The following PCCA variants were observed in gnomAD, a reference collection of about 807,000 sequenced individuals.
The protein encoded by PCCA is propionyl-CoA carboxylase alpha chain, mitochondrial.
PCCA carries 74 observed loss-of-function variants against 101.3 expected under a neutral mutation model. The ratio of observed to expected loss-of-function variants is 0.73; its 90% CI spans 0.61 to 0.89. The LOEUF (loss-of-function observed/expected upper bound fraction) is 0.89, where lower values mean the gene tolerates loss of function less well. PCCA is among the 40% of genes least tolerant of loss of function. The probability of loss-of-function intolerance (pLI) is 0.00; values close to 1 mark genes in which losing one functional copy is unlikely to be tolerated. For missense variants in PCCA, 891 were observed against 907.0 expected (o/e 0.98, Z 0.23); for synonymous variants, 294 against 313.6 (o/e 0.94, Z 0.66).
At chr13:100,309,798 T>G in intron 15 of PCCA, 35 bp from the exon 16 acceptor site, 1 of 1,284,292 alleles carries the variant, frequency 7.8e-7, no homozygotes, top group Non-Finnish European at 1.1e-6. Flanking sequence ...TCTAAATATA[T>G]ATATATATTG....
chr13:100,140,618 C>G (rs2051754826), intron 4 of PCCA, among the ~76,000 whole-genome samples: 1 of 152,140 alleles, frequency 6.6e-6, no homozygotes, highest in African/African-American at 2.4e-5. Context: ...AAACTCACCA[C>G]TTGTTTATAG....
intron 17 of PCCA, among the ~76,000 whole-genome samples, chr13:100,335,333 C>T (rs1445575077): frequency 6.6e-6 from 1 of 152,064 alleles, no homozygotes; most frequent in South Asian, 2.1e-4. Flanking sequence ...GACACAAGCC[C>T]ACTAGGAAGA....
chr13:100,198,636 T>G (rs2058278073), intron 6 of PCCA, among the ~76,000 whole-genome samples: 1 of 152,140 alleles, frequency 6.6e-6, no homozygotes, highest in African/African-American at 2.4e-5. Context: ...GTAGCTGGGA[T>G]AACAGGTGCA....
intron 21 of PCCA, among the ~76,000 whole-genome samples, chr13:100,499,703 T>G (rs2085531689): frequency 1.3e-5 from 2 of 152,248 alleles, no homozygotes; most frequent in African/African-American, 4.8e-5. Flanking sequence ...CCATTATGTC[T>G]AGTGACAAAA....
At chr13:100,297,777 G>A (rs2065669808) in intron 12 of PCCA, among the ~76,000 whole-genome samples, 1 of 152,148 alleles carries the variant, frequency 6.6e-6, no homozygotes, top group Admixed American at 6.5e-5. Context: ...GCACGATTAT[G>A]TCCTATAATA....
chr13:100,127,174 C>A (rs983296368), intron 4 of PCCA, among the ~76,000 whole-genome samples: 3 of 152,158 alleles, frequency 2.0e-5, no homozygotes, highest in Non-Finnish European at 4.4e-5. Flanking sequence ...ATATCAGTAT[C>A]TTCATGTATG....
At chr13:100,420,688 T>C (rs9554686) in intron 19 of PCCA, among the ~76,000 whole-genome samples, 29,543 of 152,196 alleles carry the variant, frequency 0.19, 4,024 homozygotes, top group East Asian at 0.62. Flanking sequence ...CAGGTCTCTT[T>C]CAGATGAGGA....
chr13:100,097,448 A>T (rs141309244), intron 1 of PCCA, among the ~76,000 whole-genome samples: 1 of 152,028 alleles, frequency 6.6e-6, no homozygotes. Context: ...GTCCGGGTGC[A>T]GTGGCTCACA....
At position 100,152,896 on chromosome 13, in the gene PCCA, TTCTC is replaced by T. The variant is rs749760951; in HGVS notation, c.301-2076_301-2073del. 6.8e-4 allele frequency among the ~76,000 whole-genome samples: 103 copies of T among 152,294 alleles called. No individual in the cohort carries two copies. In the Middle Eastern group the frequency reaches 0.017, roughly 25 times the overall value. ...ACTAAAAATGTCAATACTATTAGGA[TTCTC>T]TCTCTCCTTTTTACTTTTGAATGCA... On this transcript the variant is annotated intron_variant, in intron 4 of 23. Coordinates refer to ENST00000376285, the MANE Select transcript of PCCA (RefSeq NM_000282.4).
intron 4 of PCCA, among the ~76,000 whole-genome samples, chr13:100,124,424 C>T (rs2049745926): frequency 6.6e-6 from 1 of 152,148 alleles, no homozygotes; most frequent in Non-Finnish European, 1.5e-5. Flanking sequence ...ACATCTTACC[C>T]AGGCAGCCTG....
chr13:100,229,266 G>C (rs117827185), intron 7 of PCCA, among the ~76,000 whole-genome samples: 68 of 152,294 alleles, frequency 4.5e-4, no homozygotes, highest in Non-Finnish European at 8.2e-4. Flanking sequence ...GTATTTCACT[G>C]AGTGCACCTT....
chr13:100,114,139 G>A (rs1309829037), intron 4 of PCCA, among the ~76,000 whole-genome samples: 1 of 152,068 alleles, frequency 6.6e-6, no homozygotes, highest in East Asian at 1.9e-4. Context: ...CTTCTACACA[G>A]CCAAGGAAAC....
intron 1 of PCCA, among the ~76,000 whole-genome samples, chr13:100,097,753 G>A (rs1266875970): frequency 6.6e-6 from 1 of 152,106 alleles, no homozygotes; most frequent in African/African-American, 2.4e-5. Context: ...GAATACTTAT[G>A]TTAACAAAGT....
chr13:100,324,934 A>T (rs2068484557), intron 16 of PCCA, among the ~76,000 whole-genome samples: 1 of 152,204 alleles, frequency 6.6e-6, no homozygotes, highest in East Asian at 1.9e-4. Context: ...AACAGGACAG[A>T]ATCCATACAA....
At chr13:100,501,947 G>A (rs1330405700) in intron 21 of PCCA, among the ~76,000 whole-genome samples, 13 of 151,874 alleles carry the variant, frequency 8.6e-5, no homozygotes, top group East Asian at 7.8e-4. Flanking sequence ...GGGGCCTAGC[G>A]GTCTGTGGTT....
intron 19 of PCCA, among the ~76,000 whole-genome samples, chr13:100,383,690 A>G (rs370200006): frequency 4.6e-5 from 7 of 152,090 alleles, no homozygotes; most frequent in African/African-American, 1.7e-4. Context: ...TGTTTTCTTT[A>G]TAATGTTTGT....
At chr13:100,144,738 A>C (rs192759509) in intron 4 of PCCA, among the ~76,000 whole-genome samples, 8 of 152,330 alleles carry the variant, frequency 5.3e-5, no homozygotes, top group Admixed American at 6.5e-5. Context: ...CAGGGATGAG[A>C]AAAAGTTGAA....
At chr13:100,342,742 A>G (rs1330386923) in intron 18 of PCCA, among the ~76,000 whole-genome samples, 1 of 147,650 alleles carries the variant, frequency 6.8e-6, no homozygotes, top group Admixed American at 6.8e-5. Context: ...TTTTAGAGAG[A>G]TGAAGTCTTG....
chr13:100,275,168 C>T (rs2063559744), intron 12 of PCCA, among the ~76,000 whole-genome samples: 1 of 152,118 alleles, frequency 6.6e-6, no homozygotes, highest in South Asian at 2.1e-4. Flanking sequence ...TTTCTGCATG[C>T]CTGCTTCATC....
Sources: allele counts gnomAD v4.1 joint callset (sites outside exome capture counted in the v4.1 genomes callset), GRCh38; gene constraint gnomAD v4.1.1; transcripts MANE v1.5; gene names NCBI Gene and HGNC (gene_info 2026-07-23, HGNC 2026-07-21).